The following ATOSA variants were observed in gnomAD, a reference collection of about 807,000 sequenced individuals.
ATOSA encodes atos homolog A.
chr15:52,652,815 T>A, the ATOSA span, among the ~76,000 whole-genome samples: 1 of 152,208 alleles, frequency 6.6e-6, no homozygotes, highest in East Asian at 1.9e-4. Flanking sequence ...CCCAGAGATA[T>A]AGAAGTATAG....
the ATOSA span, chr15:52,600,216 T>C: frequency 6.2e-7 from 1 of 1,607,322 alleles, no homozygotes; most frequent in Admixed American, 1.7e-5. Flanking sequence ...TCATCTTCAA[T>C]GTTTAAACAT....
At chr15:52,650,463 T>C in the ATOSA span, among the ~76,000 whole-genome samples, 1 of 152,336 alleles carries the variant, frequency 6.6e-6, no homozygotes, top group Middle Eastern at 3.4e-3. Context: ...AGGACTATTT[T>C]GTAAATTTTC....
At chr15:52,650,511 T>C in the ATOSA span, among the ~76,000 whole-genome samples, 9 of 152,180 alleles carry the variant, frequency 5.9e-5, no homozygotes, top group Non-Finnish European at 1.5e-5. Flanking sequence ...AAATGTTATA[T>C]ACATAGTATT....
the ATOSA span, among the ~76,000 whole-genome samples, chr15:52,637,475 AC>A: frequency 1.3e-5 from 2 of 152,108 alleles, no homozygotes; most frequent in African/African-American, 4.8e-5. Flanking sequence ...ATGCTCAATC[AC>A]CCAAGCCAAA....
the ATOSA span, chr15:52,609,544 C>T: frequency 1.1e-5 from 18 of 1,613,756 alleles, no homozygotes; most frequent in Non-Finnish European, 1.5e-5. Context: ...ATTAGAAATA[C>T]AAGTTTCACT....
the ATOSA span, chr15:52,648,586 C>G: frequency 2.5e-3 from 386 of 152,012 alleles, 7 homozygotes; most frequent in Admixed American, 0.022. Flanking sequence ...TGTTTGTACC[C>G]ACCACCCAAA....
At chr15:52,688,196 G>A in the ATOSA span, among the ~76,000 whole-genome samples, 4 of 152,204 alleles carry the variant, frequency 2.6e-5, no homozygotes, top group Non-Finnish European at 4.4e-5. Context: ...CTATAGTAGT[G>A]AATTTGGAAT....
At chr15:52,610,181 G>A in the ATOSA span, 4 of 1,613,970 alleles carry the variant, frequency 2.5e-6, no homozygotes, top group Non-Finnish European at 3.4e-6. Context: ...TGAGTTTTAA[G>A]TTTATGTTGT....
At chr15:52,605,381 G>A in the ATOSA span, 2 of 582,686 alleles carry the variant, frequency 3.4e-6, no homozygotes, top group Non-Finnish European at 2.9e-6. Flanking sequence ...ATACAGGTGG[G>A]ATATCCCTTA....
chr15:52,670,047 G>A, the ATOSA span, among the ~76,000 whole-genome samples: 1 of 152,134 alleles, frequency 6.6e-6, no homozygotes, highest in East Asian at 1.9e-4. Flanking sequence ...AGAAATAGTG[G>A]GCTGTGTTCC....
At chr15:52,611,487 A>C in the ATOSA span, 1 of 1,392,740 alleles carries the variant, frequency 7.2e-7, no homozygotes, top group Non-Finnish European at 9.8e-7. Flanking sequence ...AGAGGAATTC[A>C]AAGACATGAT....
chr15:52,635,961 T>A, the ATOSA span, among the ~76,000 whole-genome samples: 1 of 150,812 alleles, frequency 6.6e-6, no homozygotes, highest in Non-Finnish European at 1.5e-5. Flanking sequence ...ATTGCACCAC[T>A]GCACCCCAGC....
At chr15:52,679,804 C>G in the ATOSA span, among the ~76,000 whole-genome samples, 17 of 111,934 alleles carry the variant, frequency 1.5e-4, no homozygotes, top group South Asian at 3.9e-4. Flanking sequence ...CCCCCCTCCC[C>G]CTCCTTCCCC....
At chr15:52,677,723 T>G in the ATOSA span, among the ~76,000 whole-genome samples, 8 of 152,256 alleles carry the variant, frequency 5.3e-5, no homozygotes, top group Non-Finnish European at 1.2e-4. Context: ...AAATGATACC[T>G]GTATTGTGGC....
At chr15:52,610,408 T>C in the ATOSA span, 2 of 1,568,568 alleles carry the variant, frequency 1.3e-6, no homozygotes, top group Admixed American at 1.9e-5. Flanking sequence ...AAAAATACTG[T>C]ATTATTGGAT....
At chr15:52,663,516 T>C in the ATOSA span, among the ~76,000 whole-genome samples, 2 of 152,232 alleles carry the variant, frequency 1.3e-5, no homozygotes, top group African/African-American at 4.8e-5. Flanking sequence ...CCAATGATCA[T>C]GTGCACAAAA....
At chr15:52,628,732 T>C in the ATOSA span, among the ~76,000 whole-genome samples, 1 of 152,356 alleles carries the variant, frequency 6.6e-6, no homozygotes, top group East Asian at 1.9e-4. Context: ...GAATATGTCA[T>C]GTGATTAGTT....
chr15:52,678,200 G>T, the ATOSA span: 1 of 727,626 alleles, frequency 1.4e-6, no homozygotes, highest in East Asian at 2.7e-5. Context: ...GTTAAGTTAG[G>T]CCTCTTCCTG....
At chr15:52,583,641 C>A in the ATOSA span, among the ~76,000 whole-genome samples, 1 of 152,210 alleles carries the variant, frequency 6.6e-6, no homozygotes. Context: ...CCACCTCGGC[C>A]TCCCAGAGTG....
Sources: allele counts gnomAD v4.1 joint callset (sites outside exome capture counted in the v4.1 genomes callset), GRCh38; gene constraint gnomAD v4.1.1; transcripts MANE v1.5; gene names NCBI Gene and HGNC (gene_info 2026-07-23, HGNC 2026-07-21).